Variants in NOMO1 observed in about 807,000 individuals in gnomAD.
NOMO1 encodes the protein nodal modulator 3.
In NOMO1, 40 loss-of-function variants were observed where a neutral mutation model predicts 133.8. The ratio of observed to expected loss-of-function variants is 0.30; its 90% CI spans 0.23 to 0.39. The LOEUF is 0.39. Ranked by LOEUF, NOMO1 falls within the 10% of genes least tolerant of loss-of-function variation. NOMO1 has a pLI of 1.00. For missense variants in NOMO1, 462 were observed against 1,419.9 expected (o/e 0.33, Z 10.84); for synonymous variants, 236 against 570.5 (o/e 0.41, Z 8.36).
rs574841510 is a variant in NOMO1 at position 14,857,581 on chromosome 16, G to A, written c.1146G>A (p.Glu382=). 1.9e-6 allele frequency: 3 copies of A among 1,612,592 alleles called. No homozygotes were observed. The highest frequency in any genetic ancestry group is 1.7e-5 in the Admixed American group (1 of 59,886). Residue 382 remains glutamate, a synonymous_variant, in exon 11 of 31, where the codon GAG becomes GAA. Transcript: ENST00000287667. ...TGTYTIHAQK[E]HLYFETVTIK... ...CATACACCATCCATGCTCAGAAAGA[G>A]CACCTCTACTTTGAAACGGTCACCA...
At chr16:14,874,030 AC>A (rs1388774496) in intron 18 of NOMO1, among the ~76,000 whole-genome samples, 1 of 40,226 alleles carries the variant, frequency 2.5e-5, no homozygotes, top group Admixed American at 4.0e-4. Flanking sequence ...CCTTGGTCTG[AC>A]CCCCCTCTGG....
At chr16:14,881,807 G>A in intron 25 of NOMO1, 122 bp downstream of exon 25, 2 of 928,632 alleles carry the variant, frequency 2.2e-6, no homozygotes, top group South Asian at 3.3e-5. Flanking sequence ...TGGGGCTCTG[G>A]AGCCCTCCCA....
At chr16:14,867,325 C>CT (rs1364441139) in intron 15 of NOMO1, among the ~76,000 whole-genome samples, 1 of 97,872 alleles carries the variant, frequency 1.0e-5, no homozygotes, top group African/African-American at 3.3e-5. Context: ...GTAGCTGGGA[C>CT]TAGAGGTGCG....
At position 14,860,891 on chromosome 16, in the gene NOMO1, G is replaced by A. The variant is rs142166734; in HGVS notation, c.1221-2122G>A. On this transcript the variant is annotated intron_variant, in intron 11 of 30. Coordinates refer to ENST00000287667, the MANE Select transcript of NOMO1 (RefSeq NM_014287.4). ...TTTTTTTGAGACAGGGTCTTACTCC[G>A]TTGCCCAGGCTGGAGTACAGTGGCG... is the stretch of plus-strand genomic sequence containing the variant. 9.3e-3 allele frequency among the ~76,000 whole-genome samples: 1,394 copies of A among 150,120 alleles called. 35 individuals are homozygous for A. Among genetic ancestry groups the A allele is most frequent in the African/African-American group, 0.032 (1,304 of 40,636 alleles).
intron 29 of NOMO1, among the ~76,000 whole-genome samples, chr16:14,891,804 C>T (rs1964409145): frequency 6.6e-6 from 1 of 152,084 alleles, no homozygotes; most frequent in Non-Finnish European, 1.5e-5. Context: ...TTGAGCAGAG[C>T]TCTGCTGCTG....
chr16:14,836,972 T>C (rs1963524891), intron 1 of NOMO1, among the ~76,000 whole-genome samples: 1 of 151,984 alleles, frequency 6.6e-6, no homozygotes, highest in South Asian at 2.1e-4. Flanking sequence ...CCCAAAGTGC[T>C]GGGATTACAG....
At chr16:14,840,892 C>T (rs1033048015) in intron 2 of NOMO1, among the ~76,000 whole-genome samples, 1 of 150,926 alleles carries the variant, frequency 6.6e-6, no homozygotes, top group Admixed American at 6.6e-5. Flanking sequence ...GTCTTGAACT[C>T]CTGGCCTCAA....
chr16:14,864,738 C>T lies in NOMO1; in HGVS notation c.1537+12C>T. 6.2e-7 allele frequency: 1 copy of T among 1,613,568 alleles called. No homozygotes were observed. Among genetic ancestry groups the T allele is most frequent in the Non-Finnish European group, 8.5e-7 (1 of 1,179,776 alleles). Reference sequence around the variant, plus strand: ...AGTCTCTTGTTTGGGTAAGATATCACTGGAAAGTAAGAACACATAGTTTCA... The same window carrying T: ...AGTCTCTTGTTTGGGTAAGATATCATTGGAAAGTAAGAACACATAGTTTCA... On this transcript the variant is annotated intron_variant, in intron 13 of 30. Transcript: ENST00000287667.
At chr16:14,845,446 G>T (rs992682029) in intron 4 of NOMO1, among the ~76,000 whole-genome samples, 6 of 152,024 alleles carry the variant, frequency 3.9e-5, no homozygotes, top group African/African-American at 1.5e-4. Context: ...ATTGAAGTCA[G>T]CTTCTCCCAG....
intron 15 of NOMO1, among the ~76,000 whole-genome samples, chr16:14,867,166 ATATATATATATTTTTTTT>A (rs1451617735): frequency 0.088 from 1,824 of 20,726 alleles, 1 homozygote; most frequent in Non-Finnish European, 0.15. Flanking sequence ...ATATATATAT[ATATATATATATTTTTTTT>A]TTTTTTTTTT....
In NOMO1 at chr16:14,866,576, G is replaced by T; in HGVS notation, c.1691G>T (p.Trp564Leu). 1 of 1,610,110 alleles carries T rather than the reference G, an allele frequency of 6.2e-7. No homozygotes were observed. Among genetic ancestry groups the T allele is most frequent in the Non-Finnish European group, 8.5e-7 (1 of 1,179,740 alleles). ...GCAGTAAGCATCATGCATGAGGATT[G>T]GTGCTGGAAGAACAAGAGCCTGGAG... Reference protein sequence around the residue: ...KYKISIMHEDWCWKNKSLEVE... With the variant: ...KYKISIMHEDLCWKNKSLEVE... Residue 564 changes from tryptophan to leucine, a missense_variant, in exon 15 of 31, where the codon TGG becomes TTG. Physicochemically the swap from Trp to Leu is moderately conservative, Grantham distance 61. Coordinates refer to ENST00000287667, the MANE Select transcript of NOMO1 (RefSeq NM_014287.4).
At chr16:14,885,257 G>A (rs561045422) in intron 27 of NOMO1, among the ~76,000 whole-genome samples, 145 of 151,618 alleles carry the variant, frequency 9.6e-4, no homozygotes, top group African/African-American at 3.4e-3. Flanking sequence ...GGTGGTGGAC[G>A]GTGGGCTGGA....
At chr16:14,856,435 T>C (rs1007236373) in intron 9 of NOMO1, among the ~76,000 whole-genome samples, 4 of 151,464 alleles carry the variant, frequency 2.6e-5, no homozygotes, top group African/African-American at 7.3e-5. Context: ...TCTTTTTTTT[T>C]CTTTGAGACA....
chr16:14,845,396 C>T (rs1201949383), intron 4 of NOMO1, among the ~76,000 whole-genome samples: 1 of 151,858 alleles, frequency 6.6e-6, no homozygotes, highest in African/African-American at 2.4e-5. Flanking sequence ...GAAGGACGCA[C>T]TCTCTAAGCC....
chr16:14,864,351 CTT>C (rs1963959482), intron 12 of NOMO1, among the ~76,000 whole-genome samples: 1 of 151,910 alleles, frequency 6.6e-6, no homozygotes, highest in Admixed American at 6.6e-5. Flanking sequence ...GCCAGATAGA[CTT>C]TTGTTCATAC....
chr16:14,853,361 T>C, intron 7 of NOMO1, 106 bp from the exon 8 acceptor site: 2 of 737,672 alleles, frequency 2.7e-6, no homozygotes, highest in Non-Finnish European at 2.1e-6. Flanking sequence ...GAAATACATA[T>C]ATTGACATGA....
At chr16:14,844,431 C>CT (rs1357087489) in intron 3 of NOMO1, among the ~76,000 whole-genome samples, 3 of 148,684 alleles carry the variant, frequency 2.0e-5, no homozygotes, top group Non-Finnish European at 4.5e-5. Flanking sequence ...ATTTTATACT[C>CT]TAAACACGAA....
intron 20 of NOMO1, among the ~76,000 whole-genome samples, 160 bp downstream of exon 20, chr16:14,875,582 T>TGGTTG (rs1395077698): frequency 2.1e-5 from 2 of 97,398 alleles, no homozygotes; most frequent in Non-Finnish European, 2.9e-5. Context: ...GATGGATGGA[T>TGGTTG]GGATGGATGG....
At chr16:14,871,557 G>C in intron 16 of NOMO1, 64 bp from the exon 17 acceptor site, 1 of 1,608,880 alleles carries the variant, frequency 6.2e-7, no homozygotes. Flanking sequence ...GATTTCAGAT[G>C]TCGGAATTGC....
Sources: allele counts gnomAD v4.1 joint callset (sites outside exome capture counted in the v4.1 genomes callset), GRCh38; gene constraint gnomAD v4.1.1; transcripts MANE v1.5; gene names NCBI Gene and HGNC (gene_info 2026-07-23, HGNC 2026-07-21).